The following PANX2 variants were observed in gnomAD, a reference collection of about 807,000 sequenced individuals.
PANX2 encodes pannexin-2.
A neutral mutation model predicts 38.7 loss-of-function variants in PANX2; 30 were observed. The observed-to-expected ratio is 0.78, with a 90% CI of 0.58 to 1.05. PANX2 has a LOEUF of 1.05. Ranked by LOEUF, PANX2 falls within the 50% of genes least tolerant of loss-of-function variation. The pLI is 0.00. For missense variants in PANX2, 880 were observed against 979.3 expected, an observed-to-expected ratio of 0.90 and a Z score of 1.35; for synonymous variants, 539 against 472.1, an observed-to-expected ratio of 1.14 and a Z score of -1.84.
At chr22:50,176,057 A>G (rs1224872007) in intron 1 of PANX2, among the ~76,000 whole-genome samples, 1 of 152,154 alleles carries the variant, frequency 6.6e-6, no homozygotes, top group African/African-American at 2.4e-5. Context: ...TGCTGTGTGA[A>G]GGGCTCAGCC....
Position 50,179,291 on chromosome 22 carries a change from C to T in PANX2, c.*14C>T. The T allele has an allele frequency of 1.2e-6, 2 of 1,604,788 alleles. No homozygotes were observed. Among genetic ancestry groups the T allele is most frequent in the Non-Finnish European group, 1.7e-6 (2 of 1,174,858 alleles). The stretch of plus-strand genomic sequence containing the variant: ...GTGGAGTTTTGAGGGATGGCACCGT[C>T]CAGGCCGCCGAGAGCCCCTCTGCCT... On this transcript the variant is annotated 3_prime_UTR_variant, in exon 3 of 3. Coordinates refer to ENST00000395842, the MANE Select transcript of PANX2 (RefSeq NM_052839.4).
chr22:50,175,122 G>A (rs1014845656), intron 1 of PANX2, among the ~76,000 whole-genome samples: 4 of 152,282 alleles, frequency 2.6e-5, no homozygotes, highest in East Asian at 1.9e-4. Context: ...GCCGCCATCC[G>A]GCAGGGAGAC....
Position 50,177,275 on chromosome 22 carries a change from C to T in PANX2, c.563C>T (p.Thr188Met). The change falls in exon 2 of 3, where the codon ACG (threonine) becomes ATG (methionine). Residue 188 changes from threonine (T) to methionine (M), a missense_variant. By Grantham distance (81) the Thr-to-Met change is moderately conservative (BLOSUM62 -1). Transcript: ENST00000395842. ...ATCCAGTCCAAGGGCCCGGGCATCACGGAGCGCGAGAAGCGCGAGATCATC... is the reference window on the plus strand; with the variant it reads ...ATCCAGTCCAAGGGCCCGGGCATCATGGAGCGCGAGAAGCGCGAGATCATC... Reference protein sequence around the residue: ...KQIQSKGPGITEREKREIIEN... With the variant: ...KQIQSKGPGIMEREKREIIEN... 6.2e-7 allele frequency: 1 copy of T among 1,612,312 alleles called. No homozygotes were observed. Among genetic ancestry groups the T allele is most frequent in the Non-Finnish European group, 8.5e-7 (1 of 1,179,752 alleles).
chr22:50,177,189 G>A lies in PANX2; in HGVS notation c.477G>A (p.Gln159=), dbSNP rs1298828347. 3.7e-6 allele frequency: 6 copies of A among 1,610,154 alleles called. No homozygotes were observed. The African/African-American group carries it at 6.7e-5, about 18-fold the overall frequency. ...CCTCCGAGCTCAACTTCCTGCTGCA[G>A]GAGATCGACAACTGTTACCACCGGG... ...RLTSELNFLL[Q]EIDNCYHRAA... Residue 159 remains glutamine, a synonymous_variant, in exon 2 of 3, where the codon CAG becomes CAA. Transcript: ENST00000395842.
intron 1 of PANX2, among the ~76,000 whole-genome samples, chr22:50,173,207 A>G (rs1243275434): frequency 2.0e-5 from 3 of 149,938 alleles, no homozygotes; most frequent in East Asian, 3.9e-4. Context: ...CATTTTTTGT[A>G]TTTTTAGTAG....
In PANX2 at chr22:50,179,327, G is replaced by C; in HGVS notation, c.*50G>C. On this transcript the variant is annotated 3_prime_UTR_variant, in exon 3 of 3. Coordinates refer to ENST00000395842, the MANE Select transcript of PANX2 (RefSeq NM_052839.4). ...AGAGCCCCTCTGCCTGTGTCGTGTG[G>C]CCTGGCCAGCCTCCCGGTGGACACC... 1 of 1,509,092 alleles carries C rather than the reference G, an allele frequency of 6.6e-7. No homozygotes were observed. The highest frequency in any genetic ancestry group is 9.1e-7 in the Non-Finnish European group (1 of 1,100,252). The allele number at this position is 1,509,092 out of a possible 1,614,324, so 93.5% of individuals were successfully genotyped here.
chr22:50,175,823 GC>G (rs1256563806), intron 1 of PANX2, among the ~76,000 whole-genome samples: 4 of 152,268 alleles, frequency 2.6e-5, no homozygotes, highest in Non-Finnish European at 5.9e-5. Flanking sequence ...CAGCCCCTGG[GC>G]CCCTGTGGGG....
rs1199661100 is a variant in PANX2, at chr22:50,178,375, C to A, written c.1663C>A (p.Leu555Ile). Residue 555 changes from leucine to isoleucine, a missense_variant, in exon 2 of 3, where the codon CTA becomes ATA. Physicochemically the swap from Leu to Ile is conservative, Grantham distance 5. Transcript: ENST00000395842. ...GFLSQAEDCG[L>I]GLAPAPIKDA... is the part of the protein sequence containing the mutation. ...CCTGTCCCAGGCGGAGGACTGTGGG[C>A]TAGGCCTGGCCCCGGCGCCCATCAA... 1 of 1,459,874 alleles carries A rather than the reference C, an allele frequency of 6.8e-7. No homozygotes were observed. The highest frequency in any genetic ancestry group is 1.4e-5 in the South Asian group (1 of 72,516). 90.4% of individuals were successfully genotyped at this position (1,459,874 alleles called of 1,614,324 possible).
At chr22:50,172,140 G>C (rs2063635758) in intron 1 of PANX2, among the ~76,000 whole-genome samples, 1 of 152,152 alleles carries the variant, frequency 6.6e-6, no homozygotes, top group African/African-American at 2.4e-5. Context: ...GGGCCTTGGG[G>C]CAGGCCCAGC....
At chr22:50,178,785 A>G in intron 2 of PANX2, 149 bp from the exon 3 acceptor site, 1 of 651,418 alleles carries the variant, frequency 1.5e-6, no homozygotes, top group Middle Eastern at 2.7e-4. Context: ...TCCCAGGCCA[A>G]CTGCTGTGTG....
Position 50,170,757 on chromosome 22 carries a change from G to C in PANX2, c.27G>C (p.Ala9=), listed in dbSNP as rs573803350. 8.3e-6 allele frequency: 11 copies of C among 1,330,330 alleles called. No individual in the cohort carries two copies. In the Admixed American group the frequency reaches 3.6e-4, roughly 44 times the overall value. 82.4% of individuals were successfully genotyped at this position (1,330,330 alleles called of 1,614,324 possible). A position where few individuals can be genotyped will look rare whatever the true frequency, so the allele number is the denominator to read the frequency against. Residue 9 remains alanine (A), a synonymous_variant, in exon 1 of 3, where the codon GCG becomes GCC. Transcript: ENST00000395842. ...TGCACCACCTCCTGGAGCAGTCGGC[G>C]GACATGGCGACCGCGCTGCTGGCGG... MHHLLEQS[A]DMATALLAGE...
rs960960626 is a variant in PANX2 at position 50,178,187 on chromosome 22, G to A, written c.1475G>A (p.Gly492Asp). The A allele has an allele frequency of 1.2e-4, 174 of 1,464,048 alleles. No individual in the cohort carries two copies. The highest frequency in any genetic ancestry group is 4.9e-4 in the Middle Eastern group (2 of 4,112). The allele number at this position is 1,464,048 out of a possible 1,614,324, so 90.7% of individuals were successfully genotyped here. A position where few individuals can be genotyped will look rare whatever the true frequency, so the allele number is the denominator to read the frequency against. The change falls in exon 2 of 3, where the codon GGC (glycine) becomes GAC (aspartate). Residue 492 changes from glycine (G) to aspartate (D), a missense_variant. By Grantham distance (94) the Gly-to-Asp change is moderately conservative. Around this residue, in one of 4 missense-constraint regions of PANX2, gnomAD observed 445 missense variants for 404.3 expected, o/e 1.10. Transcript: ENST00000395842. ...HHYKGGGGDPGPGPAPAPAPP... is the reference protein window; with the variant it reads ...HHYKGGGGDPDPGPAPAPAPP... ...TACAAGGGCGGAGGGGGCGACCCGG[G>A]CCCCGGCCCCGCCCCTGCCCCCGCC...
At chr22:50,172,909 T>TAGTAGAGACGGGG (rs2063640470) in intron 1 of PANX2, among the ~76,000 whole-genome samples, 18 of 148,920 alleles carry the variant, frequency 1.2e-4, no homozygotes, top group South Asian at 9.1e-4. Flanking sequence ...TTTTTTTTTT[T>TAGTAGAGACGGGG]TTTTTGAGAC....
chr22:50,177,851 G>A lies in PANX2; in HGVS notation c.1139G>A (p.Arg380Gln), dbSNP rs2063671459. 1.3e-6 allele frequency: 2 copies of A among 1,583,604 alleles called. No homozygotes were observed. The highest frequency in any genetic ancestry group is 1.3e-5 in the African/African-American group (1 of 74,580). ...GACCTCATGTACGACAACGTGGTCCGGCAGCTGCTGGCGGCGCTGGCGCAG... is the reference window on the plus strand; with the variant it reads ...GACCTCATGTACGACAACGTGGTCCAGCAGCTGCTGGCGGCGCTGGCGCAG... ...ESDLMYDNVV[R>Q]QLLAALAQSN... Residue 380 changes from arginine (R) to glutamine (Q), a missense_variant, in exon 2 of 3, where the codon CGG becomes CAG. Arg to Gln is a conservative substitution (Grantham distance 43). This residue lies in a region of PANX2 where 78 missense variants were observed against 133.1 expected (regional missense o/e 0.59). Coordinates refer to ENST00000395842, the MANE Select transcript of PANX2 (RefSeq NM_052839.4).
intron 1 of PANX2, among the ~76,000 whole-genome samples, chr22:50,171,801 C>A (rs1359881793): frequency 6.6e-6 from 1 of 152,150 alleles, no homozygotes; most frequent in Non-Finnish European, 1.5e-5. Flanking sequence ...GGTCTCCTGG[C>A]CTGTGTGGCC....
chr22:50,175,379 G>C (rs894536443), intron 1 of PANX2: 2 of 1,003,846 alleles, frequency 2.0e-6, no homozygotes, highest in African/African-American at 3.4e-5. Context: ...TGGCTGCCAG[G>C]GATGGGCCCA....
At chr22:50,176,141 G>A (rs936118854) in intron 1 of PANX2, among the ~76,000 whole-genome samples, 11 of 152,228 alleles carry the variant, frequency 7.2e-5, no homozygotes, top group Non-Finnish European at 1.3e-4. Context: ...GATCCCAGCC[G>A]CTCAGACCCC....
Position 50,177,813 on chromosome 22 carries a change from C to T in PANX2, c.1101C>T (p.Ile367=). 6.2e-7 allele frequency: 1 copy of T among 1,601,674 alleles called. No individual in the cohort carries two copies. Among genetic ancestry groups the T allele is most frequent in the African/African-American group, 1.3e-5 (1 of 75,050 alleles). ...HIKSLNRLDF[I]TNESDLMYDN... Reference sequence around the variant, plus strand: ...AGTCGCTCAACCGGCTGGACTTCATCACCAACGAGAGCGACCTCATGTACG... The same window carrying T: ...AGTCGCTCAACCGGCTGGACTTCATTACCAACGAGAGCGACCTCATGTACG... The change falls in exon 2 of 3, where the codon ATC becomes ATT. Residue 367 remains isoleucine, a synonymous_variant. Coordinates refer to ENST00000395842, the MANE Select transcript of PANX2 (RefSeq NM_052839.4).
Position 50,177,432 on chromosome 22 carries a change from G to A in PANX2, c.720G>A (p.Val240=), listed in dbSNP as rs760158670. The A allele has an allele frequency of 9.9e-6, 16 of 1,608,608 alleles. No individual in the cohort carries two copies. The Middle Eastern group carries it at 9.9e-4, about 99-fold the overall frequency. Residue 240 remains valine (V), a synonymous_variant, in exon 2 of 3, where the codon GTG becomes GTA. Transcript: ENST00000395842. ...RHVLILLLSA[V]PISYLCTYYA... ...TGCTGATCCTGCTGCTGAGCGCCGT[G>A]CCCATCTCCTACCTGTGCACCTACT...
Sources: gnomAD v4.1 joint callset for allele counts (sites outside exome capture counted in the v4.1 genomes callset) on GRCh38, gnomAD v4.1.1 for gene constraint, gnomAD v4.1.1 regional missense constraint, MANE v1.5 for transcripts, NCBI Gene and HGNC (gene_info 2026-07-23, HGNC 2026-07-21) for gene names.